TNRC6B: variants seen among roughly 807,000 people sequenced by gnomAD.
TNRC6B encodes trinucleotide repeat containing adaptor 6B.
In TNRC6B, 52 loss-of-function variants were observed where a neutral mutation model predicts 203.6. That is an observed-to-expected ratio of 0.26 (90% CI 0.20 to 0.32). TNRC6B has a LOEUF of 0.32. Ranked by LOEUF, TNRC6B falls within the 10% of genes least tolerant of loss-of-function variation. TNRC6B has a pLI of 1.00. For synonymous variants in TNRC6B, 838 were observed against 845.7 expected (o/e 0.99, Z 0.16); for missense variants, 1,923 against 2,286.2 (o/e 0.84, Z 3.24).
chr22:40,143,762 T>C (rs534962945), intron 3 of TNRC6B, among the ~76,000 whole-genome samples: 94 of 152,288 alleles, frequency 6.2e-4, no homozygotes, highest in African/African-American at 1.5e-3. Context: ...ACCCAAAGTG[T>C]TGGGATTACA....
At chr22:40,301,976 T>C (rs1225011187) in intron 15 of TNRC6B, among the ~76,000 whole-genome samples, 1 of 152,246 alleles carries the variant, frequency 6.6e-6, no homozygotes, top group Admixed American at 6.5e-5. Flanking sequence ...TGTTAAAATA[T>C]GTACTAGTTT....
At chr22:40,071,784 G>C (rs776978676) in intron 1 of TNRC6B, among the ~76,000 whole-genome samples, 11 of 152,286 alleles carry the variant, frequency 7.2e-5, no homozygotes, top group Middle Eastern at 3.4e-3. Flanking sequence ...GGCCTTTTCT[G>C]TGTTAACTGG....
chr22:40,272,020 T>C (rs2070571181), intron 6 of TNRC6B, among the ~76,000 whole-genome samples: 1 of 152,228 alleles, frequency 6.6e-6, no homozygotes, highest in African/African-American at 2.4e-5. Context: ...TTCACTTGCA[T>C]GTCTTCATTT....
At chr22:40,245,074 CATTTATTT>C (rs36155056) in intron 1 of TNRC6B, among the ~76,000 whole-genome samples, 10 of 149,534 alleles carry the variant, frequency 6.7e-5, no homozygotes, top group African/African-American at 1.5e-4. Flanking sequence ...ATAGGACATA[CATTTATTT>C]ATTTATTTAT....
At chr22:40,153,164 C>T (rs745373377) in intron 3 of TNRC6B, among the ~76,000 whole-genome samples, 20 of 152,084 alleles carry the variant, frequency 1.3e-4, no homozygotes, top group Non-Finnish European at 2.8e-4. Context: ...AAAACAAGGA[C>T]GTTTCAGTCA....
At chr22:40,211,574 C>A (rs951794772) in intron 1 of TNRC6B, among the ~76,000 whole-genome samples, 1 of 152,152 alleles carries the variant, frequency 6.6e-6, no homozygotes, top group Non-Finnish European at 1.5e-5. Context: ...ACCCAGCTCA[C>A]ACTTTTAAAC....
intron 16 of TNRC6B, 73 bp from the exon 17 acceptor site, chr22:40,310,744 C>T (rs2071165984): frequency 9.8e-6 from 14 of 1,431,530 alleles, no homozygotes; most frequent in Middle Eastern, 2.1e-4. Context: ...GTTTGCATTC[C>T]AGCGAATAAA....
chr22:40,255,037 A>G (rs112655321), intron 3 of TNRC6B, among the ~76,000 whole-genome samples: 4,409 of 152,270 alleles, frequency 0.029, 194 homozygotes, highest in African/African-American at 0.1. Context: ...GAATTTGTCA[A>G]CTCAGGAAGG....
At chr22:40,067,090 G>A (rs1210012128) in intron 1 of TNRC6B, among the ~76,000 whole-genome samples, 1 of 151,890 alleles carries the variant, frequency 6.6e-6, no homozygotes, top group African/African-American at 2.4e-5. Flanking sequence ...TTTTTGTAGA[G>A]ATGGAGTTTC....
intron 1 of TNRC6B, among the ~76,000 whole-genome samples, chr22:40,214,133 G>C (rs2069601005): frequency 6.6e-6 from 1 of 152,108 alleles, no homozygotes; most frequent in African/African-American, 2.4e-5. Flanking sequence ...CGGGCGTGGT[G>C]GTGCGCACCT....
chr22:40,261,261 A>G (rs1367826936), intron 3 of TNRC6B, among the ~76,000 whole-genome samples: 1 of 152,044 alleles, frequency 6.6e-6, no homozygotes, highest in Non-Finnish European at 1.5e-5. Flanking sequence ...AGCCCGAGTT[A>G]TACAGCAAGA....
In TNRC6B at chr22:40,264,963, T is replaced by C; in HGVS notation, c.733T>C (p.Cys245Arg). ...TTSNKGKGSQ[C>R]QSASSGNECN... ...TAGTAACAAAGGAAAAGGGAGCCAG[T>C]GCCAGTCTGCAAGTTCTGGGAACGA... Residue 245 changes from cysteine (C) to arginine (R), a missense_variant, in exon 5 of 23, where the codon TGC (cysteine) becomes CGC (arginine). Physicochemically the swap from Cys to Arg is radical, Grantham distance 180 (BLOSUM62 -3). This residue lies in a region of TNRC6B where 614 missense variants were observed against 587.7 expected (regional missense o/e 1.04). Coordinates refer to ENST00000454349, the MANE Select transcript of TNRC6B (RefSeq NM_001162501.2). The C allele has an allele frequency of 6.2e-7, 1 of 1,613,984 alleles. No homozygotes were observed. The highest frequency in any genetic ancestry group is 8.5e-7 in the Non-Finnish European group (1 of 1,179,898).
Position 40,329,277 on chromosome 22 carries a change from T to C in TNRC6B, c.*6036T>C, listed in dbSNP as rs2071438903. 1 of 152,214 alleles carries C rather than the reference T, an allele frequency of 6.6e-6. No homozygotes were observed. The allele number at this position is 152,214 out of a possible 1,614,324, so 9.4% of individuals were successfully genotyped here. A position where few individuals can be genotyped will look rare whatever the true frequency, so the allele number is the denominator to read the frequency against. On this transcript the variant is annotated 3_prime_UTR_variant, in exon 23 of 23. Transcript: ENST00000454349. ...CAGTCAAGAAACACACAGATACACA[T>C]AATGCTATTGAGGACATTGTCATTC... is the stretch of plus-strand genomic sequence containing the variant.
intron 1 of TNRC6B, among the ~76,000 whole-genome samples, chr22:40,194,725 C>G (rs2069314898): frequency 6.6e-6 from 1 of 152,200 alleles, no homozygotes; most frequent in African/African-American, 2.4e-5. Flanking sequence ...ATTCTCTGAG[C>G]TGTAGCAGCT....
intron 1 of TNRC6B, among the ~76,000 whole-genome samples, chr22:40,219,142 A>G (rs999229515): frequency 6.6e-6 from 1 of 152,198 alleles, no homozygotes; most frequent in African/African-American, 2.4e-5. Flanking sequence ...TTGTTTACCT[A>G]CCAGTTCCTC....
intron 21 of TNRC6B, among the ~76,000 whole-genome samples, chr22:40,319,867 TC>T (rs1486748324): frequency 3.9e-5 from 6 of 152,170 alleles, no homozygotes; most frequent in Admixed American, 6.5e-5. Context: ...TGGAAGGTGT[TC>T]CCCTCAGATA....
At chr22:40,241,954 G>T (rs1316952899) in intron 1 of TNRC6B, among the ~76,000 whole-genome samples, 1 of 152,260 alleles carries the variant, frequency 6.6e-6, no homozygotes, top group East Asian at 1.9e-4. Flanking sequence ...GTCATTTGAC[G>T]GATCCCATCA....
intron 1 of TNRC6B, among the ~76,000 whole-genome samples, chr22:40,078,789 C>G (rs1412418312): frequency 6.6e-6 from 1 of 151,586 alleles, no homozygotes; most frequent in Non-Finnish European, 1.5e-5. Flanking sequence ...AACAGGGTTT[C>G]TTTGCCAGGT....
intron 1 of TNRC6B, among the ~76,000 whole-genome samples, chr22:40,112,116 A>G (rs1470794655): frequency 6.6e-6 from 1 of 152,060 alleles, no homozygotes; most frequent in Non-Finnish European, 1.5e-5. Context: ...GAGAAAGCAA[A>G]AGGATGGGTG....
Sources: allele counts gnomAD v4.1 joint callset (sites outside exome capture counted in the v4.1 genomes callset), GRCh38; gene constraint gnomAD v4.1.1; regional missense constraint gnomAD v4.1.1; transcripts MANE v1.5; gene names NCBI Gene and HGNC (gene_info 2026-07-23, HGNC 2026-07-21).